ST6GALNAC5: variants seen among roughly 807,000 people sequenced by gnomAD.
The protein encoded by ST6GALNAC5 is ST6 N-acetylgalactosaminide alpha-2,6-sialyltransferase 5.
ST6GALNAC5 carries 27 observed loss-of-function variants against 33.6 expected under a neutral mutation model. The ratio of observed to expected loss-of-function variants is 0.80; its 90% confidence interval spans 0.59 to 1.11. The LOEUF is 1.11. ST6GALNAC5 is among the 50% of genes least tolerant of loss of function. The pLI is 0.00. For missense variants in ST6GALNAC5, 428 were observed against 454.0 expected (o/e 0.94, Z 0.52); for synonymous variants, 194 against 171.2 (o/e 1.13, Z -1.04).
chr1:77,028,900 C>A (rs775163030), intron 2 of ST6GALNAC5, among the ~76,000 whole-genome samples: 1 of 152,128 alleles, frequency 6.6e-6, no homozygotes, highest in Non-Finnish European at 1.5e-5. Flanking sequence ...TACATAGGAC[C>A]TGGAATGTTG....
At chr1:76,912,375 G>A (rs1347982999) in intron 2 of ST6GALNAC5, among the ~76,000 whole-genome samples, 1 of 152,136 alleles carries the variant, frequency 6.6e-6, no homozygotes, top group Non-Finnish European at 1.5e-5. Flanking sequence ...TAGGTATGGT[G>A]TGGTGCTGAA....
chr1:76,895,747 C>A (rs141467637), intron 2 of ST6GALNAC5, among the ~76,000 whole-genome samples: 2 of 152,148 alleles, frequency 1.3e-5, no homozygotes, highest in African/African-American at 4.8e-5. Context: ...TAGTTGAGAA[C>A]GGTGAATAGG....
rs756425973 is a variant in ST6GALNAC5, at chr1:77,050,346, G to T, written c.760G>T (p.Val254Leu). Residue 254 changes from valine (V) to leucine (L), a missense_variant, in exon 4 of 5, where the codon GTG becomes TTG. By Grantham distance (32) the Val-to-Leu change is conservative (BLOSUM62 1). Transcript: ENST00000477717. The stretch of plus-strand genomic sequence containing the variant: ...TGACAGGATCAATGTTTATGGCATG[G>T]TGCCCCCAGACTTCTGCAGGTAGGA... ...LCDRINVYGM[V>L]PPDFCRDPNH... 4 of 1,613,926 alleles carry T rather than the reference G, an allele frequency of 2.5e-6. No homozygotes were observed. The South Asian group carries it at 3.3e-5, about 13-fold the overall frequency.
At chr1:76,892,156 C>T (rs1309908206) in intron 2 of ST6GALNAC5, among the ~76,000 whole-genome samples, 1 of 152,198 alleles carries the variant, frequency 6.6e-6, no homozygotes, top group Non-Finnish European at 1.5e-5. Flanking sequence ...CTCACACTTG[C>T]AGGAAGCTTG....
chr1:76,904,068 AAAT>A (rs1646842070), intron 2 of ST6GALNAC5, among the ~76,000 whole-genome samples: 1 of 152,216 alleles, frequency 6.6e-6, no homozygotes, highest in African/African-American at 2.4e-5. Context: ...TAAATTGTGA[AAAT>A]AAAACAGGAA....
At chr1:76,991,474 C>G (rs893231702) in intron 2 of ST6GALNAC5, among the ~76,000 whole-genome samples, 4 of 152,146 alleles carry the variant, frequency 2.6e-5, no homozygotes, top group Admixed American at 6.6e-5. Context: ...AATCATCAAG[C>G]TTTTATTACC....
rs922596325 is a variant in ST6GALNAC5, at chr1:76,971,218, T to C, written c.262-72986T>C. On this transcript the variant is annotated intron_variant, in intron 2 of 4. Coordinates refer to ENST00000477717, the MANE Select transcript of ST6GALNAC5 (RefSeq NM_030965.3). ...TTTGCAAAATTAAAAAATTAAATGT[T>C]TGCTAAATAGGGTGATAGACCCGTG... 2.0e-5 allele frequency among the ~76,000 whole-genome samples: 3 copies of C among 152,290 alleles called. No individual in the cohort carries two copies. In the East Asian group the frequency reaches 5.8e-4, roughly 29 times the overall value.
intron 2 of ST6GALNAC5, among the ~76,000 whole-genome samples, chr1:77,027,855 T>C (rs1047287965): frequency 6.6e-6 from 1 of 152,220 alleles, no homozygotes; most frequent in Non-Finnish European, 1.5e-5. Context: ...GGGGGAGTTT[T>C]ATTGTTTCAG....
chr1:76,984,569 C>T (rs537007122), intron 2 of ST6GALNAC5, among the ~76,000 whole-genome samples: 70 of 152,218 alleles, frequency 4.6e-4, no homozygotes, highest in African/African-American at 1.6e-3. Flanking sequence ...GATTCACAGC[C>T]AAATTCTATT....
intron 2 of ST6GALNAC5, among the ~76,000 whole-genome samples, chr1:76,982,610 C>T (rs2100382973): frequency 6.6e-6 from 1 of 152,322 alleles, no homozygotes; most frequent in Middle Eastern, 3.4e-3. Context: ...TCCAGGAGAA[C>T]TTCCCTAACC....
At position 76,944,099 on chromosome 1, in the gene ST6GALNAC5, G is replaced by T. The variant is rs201936759; in HGVS notation, c.261+75357G>T. On this transcript the variant is annotated intron_variant, in intron 2 of 4. Transcript: ENST00000477717. Reference sequence around the variant, plus strand: ...GTGTTGCTTCTCTTACCCCAAGGTTGCCCAATGCAATAGTTTTCATTCTGG... The same window carrying T: ...GTGTTGCTTCTCTTACCCCAAGGTTTCCCAATGCAATAGTTTTCATTCTGG... 1.5e-4 allele frequency among the ~76,000 whole-genome samples: 23 copies of T among 152,190 alleles called. No individual in the cohort carries two copies. In the East Asian group the frequency reaches 4.5e-3, roughly 30 times the overall value.
At chr1:77,032,158 A>G (rs1651481640) in intron 2 of ST6GALNAC5, among the ~76,000 whole-genome samples, 1 of 152,194 alleles carries the variant, frequency 6.6e-6, no homozygotes. Context: ...AGCACGTGCA[A>G]AGACCTGAGA....
intron 2 of ST6GALNAC5, among the ~76,000 whole-genome samples, chr1:76,882,289 T>G (rs962600621): frequency 6.6e-6 from 1 of 152,200 alleles, no homozygotes; most frequent in Admixed American, 6.5e-5. Flanking sequence ...AGGAGTGTCA[T>G]GCTTAATTAT....
chr1:76,923,193 A>G (rs1011331916), intron 2 of ST6GALNAC5, among the ~76,000 whole-genome samples: 3 of 152,092 alleles, frequency 2.0e-5, no homozygotes, highest in Non-Finnish European at 4.4e-5. Flanking sequence ...AAGGCATATA[A>G]GATCCCTTTG....
At chr1:77,004,830 G>T (rs1650329461) in intron 2 of ST6GALNAC5, among the ~76,000 whole-genome samples, 1 of 131,896 alleles carries the variant, frequency 7.6e-6, no homozygotes, top group African/African-American at 2.5e-5. Context: ...GGACCCACTT[G>T]AGGAGGCAGT....
intron 2 of ST6GALNAC5, among the ~76,000 whole-genome samples, chr1:76,908,995 C>T (rs2100276670): frequency 6.6e-6 from 1 of 152,188 alleles, no homozygotes; most frequent in South Asian, 2.1e-4. Context: ...CATAACTACC[C>T]AGTGGTTATT....
chr1:77,040,611 T>A lies in ST6GALNAC5; in HGVS notation c.262-3593T>A, dbSNP rs373643307. On this transcript the variant is annotated intron_variant, in intron 2 of 4. Coordinates refer to ENST00000477717, the MANE Select transcript of ST6GALNAC5 (RefSeq NM_030965.3). The stretch of plus-strand genomic sequence containing the variant: ...GGTCCTTGGAAGGCCCCTAAGGCGA[T>A]GTGTTTCACCTGCCAACCAGTCTCT... Among the ~76,000 whole-genome samples the A allele has an allele frequency of 4.6e-5, 7 of 152,208 alleles. No individual in the cohort carries two copies. In the East Asian group the frequency reaches 1.3e-3, roughly 29 times the overall value.
At chr1:76,979,274 T>G (rs542545217) in intron 2 of ST6GALNAC5, among the ~76,000 whole-genome samples, 4 of 152,202 alleles carry the variant, frequency 2.6e-5, no homozygotes, top group African/African-American at 9.6e-5. Flanking sequence ...AAAAAAATCT[T>G]AAATTCATAT....
intron 2 of ST6GALNAC5, among the ~76,000 whole-genome samples, chr1:77,025,639 G>A (rs1651202457): frequency 6.6e-6 from 1 of 152,200 alleles, no homozygotes; most frequent in African/African-American, 2.4e-5. Flanking sequence ...CGGAGGCTGT[G>A]GTGGGGTGAC....
Sources: gnomAD v4.1 joint callset for allele counts (sites outside exome capture counted in the v4.1 genomes callset) on GRCh38, gnomAD v4.1.1 for gene constraint, MANE v1.5 for transcripts, NCBI Gene and HGNC (gene_info 2026-07-23, HGNC 2026-07-21) for gene names.